DOCK2: variants seen among roughly 807,000 people sequenced by gnomAD.
DOCK2 encodes dedicator of cytokinesis 2, also known as dedicator of cytokinesis protein 2.
A neutral mutation model predicts 248.9 loss-of-function variants in DOCK2; 87 were observed. The ratio of observed to expected loss-of-function variants is 0.35; its 90% confidence interval spans 0.29 to 0.42. The LOEUF (loss-of-function observed/expected upper bound fraction) is 0.42, where lower values mean the gene tolerates loss of function less well. Ranked by LOEUF, DOCK2 falls within the 10% of genes least tolerant of loss-of-function variation. The pLI, the probability that DOCK2 is intolerant of heterozygous loss-of-function variation, is 1.00. For missense variants in DOCK2, 1,747 were observed against 2,300.2 expected (o/e 0.76, Z 4.92); for synonymous variants, 805 against 821.6 (o/e 0.98, Z 0.35).
At chr5:169,662,223 A>G (rs1181778279) in intron 2 of DOCK2, among the ~76,000 whole-genome samples, 5 of 152,240 alleles carry the variant, frequency 3.3e-5, no homozygotes, top group African/African-American at 9.6e-5. Context: ...GATGTCAAAC[A>G]CCTTTCCATG....
chr5:169,855,355 A>G (rs1381102312), intron 27 of DOCK2, among the ~76,000 whole-genome samples: 1 of 152,202 alleles, frequency 6.6e-6, no homozygotes, highest in Non-Finnish European at 1.5e-5. Flanking sequence ...TAGGGAAAAC[A>G]GAATTTGCAA....
At chr5:170,015,797 C>CTTTCTCCCTTCCCTCCCTCCCTCCT (rs1755510438) in intron 32 of DOCK2, among the ~76,000 whole-genome samples, 1 of 151,230 alleles carries the variant, frequency 6.6e-6, no homozygotes, top group East Asian at 2.0e-4. Flanking sequence ...TCCCTCCCTC[C>CTTTCTCCCTTCCCTCCCTCCCTCCT]TTTCTCCCTT....
chr5:170,078,079 C>T (rs1031035430), intron 48 of DOCK2, among the ~76,000 whole-genome samples: 8 of 152,324 alleles, frequency 5.3e-5, no homozygotes, highest in Admixed American at 2.6e-4. Flanking sequence ...GCAGGAGTCA[C>T]CTGCAGCCCC....
intron 25 of DOCK2, among the ~76,000 whole-genome samples, chr5:169,784,887 A>G (rs988842349): frequency 2.0e-5 from 3 of 152,260 alleles, no homozygotes; most frequent in African/African-American, 7.2e-5. Context: ...GGTGGAAATT[A>G]TGATGAATAC....
chr5:169,656,344 A>G (rs1344967346), intron 2 of DOCK2, among the ~76,000 whole-genome samples: 1 of 149,170 alleles, frequency 6.7e-6, no homozygotes, highest in African/African-American at 2.5e-5. Flanking sequence ...TTTTTTTAAG[A>G]CGGACTCTTG....
chr5:169,714,906 T>C (rs1342930859), intron 19 of DOCK2, among the ~76,000 whole-genome samples: 1 of 152,182 alleles, frequency 6.6e-6, no homozygotes, highest in Non-Finnish European at 1.5e-5. Flanking sequence ...TGTTGTCATA[T>C]GTTGATATAT....
At chr5:169,910,227 A>G (rs1774517486) in intron 27 of DOCK2, among the ~76,000 whole-genome samples, 1 of 152,198 alleles carries the variant, frequency 6.6e-6, no homozygotes, top group Admixed American at 6.5e-5. Context: ...GTCATCAGAC[A>G]GGCCTTTCAT....
intron 27 of DOCK2, among the ~76,000 whole-genome samples, chr5:169,857,144 C>A (rs1312395003): frequency 2.0e-5 from 3 of 152,178 alleles, no homozygotes; most frequent in Admixed American, 6.5e-5. Context: ...TCTTAAATTG[C>A]ATTTTCTCCA....
In DOCK2 at chr5:170,069,296, G is replaced by A. The variant is rs1757601467; in HGVS notation, c.4728+76G>A. On this transcript the variant is annotated intron_variant, in intron 46 of 51. Coordinates refer to ENST00000520908, the MANE Select transcript of DOCK2 (RefSeq NM_004946.3). Reference sequence around the variant, plus strand: ...ACCGTGGTTCACTTGCCCCACGCTAGGCTCTAGCTGAGGCAGCCTGAATTC... The same window carrying A: ...ACCGTGGTTCACTTGCCCCACGCTAAGCTCTAGCTGAGGCAGCCTGAATTC... 5 of 1,487,858 alleles carry A rather than the reference G, an allele frequency of 3.4e-6. No individual in the cohort carries two copies. The East Asian group carries it at 1.2e-4, about 35-fold the overall frequency. The allele number at this position is 1,487,858 out of a possible 1,614,324, so 92.2% of individuals were successfully genotyped here.
intron 33 of DOCK2, among the ~76,000 whole-genome samples, chr5:170,020,209 C>T (rs1755673573): frequency 6.6e-6 from 1 of 152,152 alleles, no homozygotes; most frequent in Admixed American, 6.5e-5. Flanking sequence ...AATGGCATTG[C>T]CTCTGTGGGT....
intron 2 of DOCK2, among the ~76,000 whole-genome samples, chr5:169,664,996 ATAAG>A (rs1161117687): frequency 6.8e-6 from 1 of 146,986 alleles, no homozygotes; most frequent in African/African-American, 2.5e-5. Flanking sequence ...ATGTTTATAT[ATAAG>A]TATCAGCATA....
At chr5:169,644,125 C>T (rs1757311808) in intron 1 of DOCK2, among the ~76,000 whole-genome samples, 1 of 152,116 alleles carries the variant, frequency 6.6e-6, no homozygotes, top group Non-Finnish European at 1.5e-5. Context: ...TGAGAGAGGT[C>T]ATAGGGAGCA....
intron 25 of DOCK2, among the ~76,000 whole-genome samples, chr5:169,787,865 T>A (rs1214518646): frequency 1.3e-5 from 2 of 152,016 alleles, no homozygotes; most frequent in Admixed American, 1.3e-4. Flanking sequence ...TTTATCATGG[T>A]CTTCATGAGC....
chr5:170,047,673 G>A lies in DOCK2; in HGVS notation c.4071+59G>A, dbSNP rs759006443. On this transcript the variant is annotated intron_variant, in intron 40 of 51. Coordinates refer to ENST00000520908, the MANE Select transcript of DOCK2 (RefSeq NM_004946.3). ...AGCCCCAGGGCCTCGGCATCTCAGC[G>A]GTCCTTCTATGCTTTGAGGATTTGC... 76 of 1,482,206 alleles carry A rather than the reference G, an allele frequency of 5.1e-5. 2 individuals carry two copies. The highest frequency in any genetic ancestry group is 5.3e-5 in the Admixed American group (3 of 57,114). The allele number at this position is 1,482,206 out of a possible 1,614,324, so 91.8% of individuals were successfully genotyped here.
In DOCK2 at chr5:169,674,326, G is replaced by A. The variant is rs112922689; in HGVS notation, c.351G>A (p.Val117=). The part of the protein sequence containing the change: ...VASKKERFLQ[V]QSMMYDLMEW... ...GCAAAAAGGAGCGTTTTCTCCAGGT[G>A]CAGTCCATGATGTACGATCTGATGG... The change falls in exon 6 of 52, where the codon GTG becomes GTA. Residue 117 remains valine (V), a synonymous_variant. Transcript: ENST00000520908. 5 of 1,613,962 alleles carry A rather than the reference G, an allele frequency of 3.1e-6. No individual in the cohort carries two copies. The African/African-American group carries it at 4.0e-5, about 13-fold the overall frequency.
At chr5:169,900,662 T>C (rs1773873027) in intron 27 of DOCK2, among the ~76,000 whole-genome samples, 1 of 152,248 alleles carries the variant, frequency 6.6e-6, no homozygotes. Context: ...TTAGCAGTAT[T>C]ACATGCTTTG....
At chr5:169,849,317 C>A (rs553923473) in intron 27 of DOCK2, among the ~76,000 whole-genome samples, 4 of 152,300 alleles carry the variant, frequency 2.6e-5, no homozygotes, top group African/African-American at 9.6e-5. Flanking sequence ...TGCAACTGGC[C>A]CATAACCACA....
intron 26 of DOCK2, among the ~76,000 whole-genome samples, chr5:169,839,300 C>A: frequency 6.6e-6 from 1 of 152,180 alleles, no homozygotes; most frequent in South Asian, 2.1e-4. Context: ...AGGACCCAGG[C>A]ATGTAAGTTC....
At chr5:169,780,384 C>G (rs1382207586) in intron 25 of DOCK2, among the ~76,000 whole-genome samples, 2 of 151,440 alleles carry the variant, frequency 1.3e-5, no homozygotes, top group East Asian at 3.9e-4. Context: ...GGAAAGTTGT[C>G]AACTTCTTTT....
Sources: allele counts gnomAD v4.1 joint callset (sites outside exome capture counted in the v4.1 genomes callset), GRCh38; gene constraint gnomAD v4.1.1; transcripts MANE v1.5; gene names NCBI Gene and HGNC (gene_info 2026-07-23, HGNC 2026-07-21).